GPR158: variants seen among roughly 807,000 people sequenced by gnomAD.
GPR158 encodes the protein G protein-coupled receptor 158.
In GPR158, 30 loss-of-function variants were observed where a neutral mutation model predicts 78.2. That is an observed-to-expected ratio of 0.38 (90% CI 0.29 to 0.52). GPR158 has a LOEUF of 0.52. Ranked by LOEUF, GPR158 falls within the 20% of genes least tolerant of loss-of-function variation. GPR158 has a pLI of 0.83. For synonymous variants in GPR158, 581 were observed against 591.1 expected, an observed-to-expected ratio of 0.98 and a Z score of 0.25; for missense variants, 1,463 against 1,523.5, an observed-to-expected ratio of 0.96 and a Z score of 0.66.
intron 2 of GPR158, among the ~76,000 whole-genome samples, chr10:25,359,153 A>G (rs981265514): frequency 3.3e-5 from 5 of 152,020 alleles, no homozygotes; most frequent in African/African-American, 1.2e-4. Flanking sequence ...TTAAGTACAT[A>G]CATGTTAATA....
At chr10:25,544,528 G>C (rs1050808731) in intron 5 of GPR158, among the ~76,000 whole-genome samples, 5 of 151,978 alleles carry the variant, frequency 3.3e-5, no homozygotes, top group African/African-American at 1.2e-4. Context: ...GGCATGTGTA[G>C]CTATTATTGT....
chr10:25,313,504 AAAT>A (rs1226420045), intron 2 of GPR158, among the ~76,000 whole-genome samples: 1 of 152,124 alleles, frequency 6.6e-6, no homozygotes, highest in Non-Finnish European at 1.5e-5. Context: ...TAAAAAAAAA[AAAT>A]ATATTTTAAT....
chr10:25,213,327 T>TA (rs1452046762), intron 1 of GPR158, among the ~76,000 whole-genome samples: 12 of 152,216 alleles, frequency 7.9e-5, no homozygotes, highest in African/African-American at 2.7e-4. Flanking sequence ...CTTCTATTTG[T>TA]AGTTTGCCAT....
At chr10:25,323,710 T>G (rs113445946) in intron 2 of GPR158, among the ~76,000 whole-genome samples, 23,948 of 150,518 alleles carry the variant, frequency 0.16, 3,937 homozygotes, top group African/African-American at 0.42. Flanking sequence ...TAGAGACAGG[T>G]TCTTTCTATG....
chr10:25,462,506 G>A (rs867142940), intron 4 of GPR158, among the ~76,000 whole-genome samples: 1 of 152,260 alleles, frequency 6.6e-6, no homozygotes, highest in South Asian at 2.1e-4. Context: ...GGCGATCGTT[G>A]CCATAGTGAT....
At chr10:25,536,192 AT>A (rs1836498023) in intron 5 of GPR158, among the ~76,000 whole-genome samples, 1 of 152,168 alleles carries the variant, frequency 6.6e-6, no homozygotes, top group Admixed American at 6.5e-5. Context: ...AAAGTCTTCA[AT>A]TTTTATTGAA....
At chr10:25,187,122 G>T (rs1222432553) in intron 1 of GPR158, among the ~76,000 whole-genome samples, 4 of 151,736 alleles carry the variant, frequency 2.6e-5, no homozygotes, top group African/African-American at 9.7e-5. Flanking sequence ...CCGCCATCAC[G>T]CCCGGCTATT....
intron 5 of GPR158, among the ~76,000 whole-genome samples, chr10:25,526,090 G>A (rs1410559238): frequency 9.3e-6 from 1 of 107,876 alleles, no homozygotes; most frequent in Non-Finnish European, 1.7e-5. Context: ...CTGGGCGACA[G>A]TCCAATTTTG....
intron 4 of GPR158, among the ~76,000 whole-genome samples, chr10:25,435,302 G>C (rs1834983759): frequency 6.6e-6 from 1 of 152,126 alleles, no homozygotes; most frequent in Non-Finnish European, 1.5e-5. Context: ...GTAACAAAGT[G>C]AGAAAGGATA....
intron 2 of GPR158, among the ~76,000 whole-genome samples, chr10:25,276,503 C>G (rs1854185176): frequency 6.6e-6 from 1 of 152,102 alleles, no homozygotes; most frequent in Admixed American, 6.6e-5. Context: ...TGAATGTAGG[C>G]CACTTTGTAT....
intron 4 of GPR158, among the ~76,000 whole-genome samples, chr10:25,438,384 T>A (rs553735834): frequency 3.1e-4 from 47 of 152,352 alleles, no homozygotes; most frequent in Non-Finnish European, 4.3e-4. Context: ...TCGGTAGTTA[T>A]GTTAACTGAA....
At chr10:25,243,148 C>T (rs1412232598) in intron 2 of GPR158, among the ~76,000 whole-genome samples, 2 of 152,256 alleles carry the variant, frequency 1.3e-5, no homozygotes. Context: ...ATCTCCCCCT[C>T]CTTACAAGCT....
chr10:25,240,962 A>G (rs1423242386), intron 2 of GPR158, among the ~76,000 whole-genome samples: 3 of 152,134 alleles, frequency 2.0e-5, no homozygotes, highest in African/African-American at 7.2e-5. Context: ...CTTCCTTAAG[A>G]TGGATTCCTC....
chr10:25,449,929 G>A (rs1193541613), intron 4 of GPR158, among the ~76,000 whole-genome samples: 2 of 151,484 alleles, frequency 1.3e-5, no homozygotes, highest in South Asian at 2.1e-4. Flanking sequence ...ATAAAATAAC[G>A]GTAAAATGTG....
At chr10:25,190,410 G>A (rs2130641526) in intron 1 of GPR158, among the ~76,000 whole-genome samples, 1 of 152,140 alleles carries the variant, frequency 6.6e-6, no homozygotes, top group South Asian at 2.1e-4. Context: ...ACAACACACT[G>A]CAGCCTCAAC....
At position 25,572,935 on chromosome 10, in the gene GPR158, C is replaced by T. The variant is rs764229644; in HGVS notation, c.1753+48C>T. On this transcript the variant is annotated intron_variant, in intron 7 of 10. Coordinates refer to ENST00000376351, the MANE Select transcript of GPR158 (RefSeq NM_020752.3). ...TGATGGTCTTACCATTTTTCAGTAGCATTACAACTGACTTCTTTAAAAGTC... is the reference window on the plus strand; with the variant it reads ...TGATGGTCTTACCATTTTTCAGTAGTATTACAACTGACTTCTTTAAAAGTC... 2.8e-6 allele frequency: 3 copies of T among 1,070,374 alleles called. No homozygotes were observed. The Admixed American group carries it at 5.1e-5, about 18-fold the overall frequency. The allele number at this position is 1,070,374 out of a possible 1,614,324, so 66.3% of individuals were successfully genotyped here.
At chr10:25,555,447 T>C (rs1195033110) in intron 6 of GPR158, among the ~76,000 whole-genome samples, 1 of 152,144 alleles carries the variant, frequency 6.6e-6, no homozygotes, top group Non-Finnish European at 1.5e-5. Flanking sequence ...TTGGATGTGT[T>C]TGACTTAGTA....
chr10:25,518,583 C>T (rs1247513071), intron 5 of GPR158, among the ~76,000 whole-genome samples: 1 of 32,176 alleles, frequency 3.1e-5, no homozygotes, highest in Non-Finnish European at 5.6e-5. Context: ...TCTTTGTTCT[C>T]ATTGGTTTCA....
chr10:25,480,824 G>A (rs142704608), intron 5 of GPR158, among the ~76,000 whole-genome samples: 83 of 152,232 alleles, frequency 5.5e-4, no homozygotes, highest in African/African-American at 1.9e-3. Flanking sequence ...GATGTTTACC[G>A]TGTGCCTTTC....
Sources: allele counts gnomAD v4.1 joint callset (sites outside exome capture counted in the v4.1 genomes callset), GRCh38; gene constraint gnomAD v4.1.1; transcripts MANE v1.5; gene names NCBI Gene and HGNC (gene_info 2026-07-23, HGNC 2026-07-21).